RUNX3: variants seen among roughly 807,000 people sequenced by gnomAD.
The protein encoded by RUNX3 is runt-related transcription factor 3.
A neutral mutation model predicts 27.7 loss-of-function variants in RUNX3; 10 were observed. That is an observed-to-expected ratio of 0.36 (90% confidence interval 0.22 to 0.61). RUNX3 has a LOEUF of 0.61. Among genes scored for constraint, RUNX3 ranks in the 20% least tolerant of loss-of-function variants. The pLI, the probability that RUNX3 is intolerant of heterozygous loss-of-function variation, is 0.72. For synonymous variants in RUNX3, 270 were observed against 269.2 expected, an observed-to-expected ratio of 1.00 and a Z score of -0.03; for missense variants, 469 against 629.5, an observed-to-expected ratio of 0.75 and a Z score of 2.73.
chr1:24,909,327 A>G (rs74754027), intron 3 of RUNX3, among the ~76,000 whole-genome samples: 1,811 of 152,328 alleles, frequency 0.012, 27 homozygotes, highest in African/African-American at 0.032. Flanking sequence ...CCCCACCGTG[A>G]CCAGTTTCTT....
intron 1 of RUNX3, chr1:24,929,059 C>G (rs575965173): frequency 1.5e-4 from 69 of 457,522 alleles, no homozygotes; most frequent in Non-Finnish European, 2.7e-4. Context: ...CGCATAATAT[C>G]CCCGAGCAAA....
chr1:24,934,825 A>C (rs1641312045), upstream of RUNX3, among the ~76,000 whole-genome samples: 1 of 152,030 alleles, frequency 6.6e-6, no homozygotes, highest in Non-Finnish European at 1.5e-5. Flanking sequence ...CAGAGGAAAG[A>C]GCTATTGTGA....
intron 2 of RUNX3, among the ~76,000 whole-genome samples, chr1:24,926,516 A>G (rs1167320696): frequency 6.6e-6 from 1 of 152,256 alleles, no homozygotes; most frequent in Non-Finnish European, 1.5e-5. Context: ...ATTAATGCTG[A>G]AAAGTCAAAA....
intron 2 of RUNX3, among the ~76,000 whole-genome samples, chr1:24,947,740 T>C (rs1315930379): frequency 2.6e-5 from 4 of 152,188 alleles, no homozygotes; most frequent in Non-Finnish European, 5.9e-5. Context: ...CAGAGAGCTA[T>C]GTGGGCTTCA....
intron 2 of RUNX3, among the ~76,000 whole-genome samples, chr1:24,919,765 G>A (rs1482549563): frequency 1.3e-5 from 2 of 149,394 alleles, no homozygotes; most frequent in Non-Finnish European, 3.0e-5. Flanking sequence ...CCCCCCCCAC[G>A]GTTCCACTAG....
Position 24,906,649 on chromosome 1 carries a change from C to T in RUNX3, c.703+610G>A, listed in dbSNP as rs188440505. 7.9e-5 allele frequency among the ~76,000 whole-genome samples: 12 copies of T among 152,304 alleles called. No individual in the cohort carries two copies. The East Asian group carries it at 1.7e-3, about 22-fold the overall frequency. ...TCCGTCTAGGCAGTGGAGATGGAGACCCCAGCTCGGTCTTCCCTTCCACCT... is the reference window on the plus strand; with the variant it reads ...TCCGTCTAGGCAGTGGAGATGGAGATCCCAGCTCGGTCTTCCCTTCCACCT... On this transcript the variant is annotated intron_variant, in intron 4 of 4. Coordinates refer to ENST00000308873, the MANE Select transcript of RUNX3 (RefSeq NM_004350.3).
rs1571322610 is a variant in RUNX3 at position 24,927,019 on chromosome 1, C to T, written c.439+555G>A. Among the ~76,000 whole-genome samples the T allele has an allele frequency of 6.6e-6, 1 of 151,864 alleles. No individual in the cohort carries two copies. The highest frequency in any genetic ancestry group is 1.5e-5 in the Non-Finnish European group (1 of 67,980). ...TTGACTCTGGGGCAGGAGATGGCAGCCTTCGAGCTGTGCTTTCCAACATTC... is the reference window on the plus strand; with the variant it reads ...TTGACTCTGGGGCAGGAGATGGCAGTCTTCGAGCTGTGCTTTCCAACATTC... On this transcript the variant is annotated intron_variant, in intron 2 of 4. Transcript: ENST00000308873. This position sits in a 1 kb window ranked among gnomAD's most constrained non-coding sequence, Gnocchi z 5.0.
intron 2 of RUNX3, among the ~76,000 whole-genome samples, chr1:24,950,558 G>A (rs189363208): frequency 2.0e-5 from 3 of 152,190 alleles, no homozygotes; most frequent in African/African-American, 4.8e-5. Flanking sequence ...CACAGGAGGT[G>A]GGGGGGCCAG....
chr1:24,961,289 G>A (rs941430693), intron 2 of RUNX3: 2 of 152,276 alleles, frequency 1.3e-5, no homozygotes, highest in African/African-American at 2.4e-5. Context: ...ACAGGTGCCT[G>A]AAGGCAGAGG....
At chr1:24,931,555 TGGAGAC>T (rs888163443), upstream of RUNX3, among the ~76,000 whole-genome samples, 2 of 152,168 alleles carry the variant, frequency 1.3e-5, no homozygotes, top group Non-Finnish European at 2.9e-5. Context: ...CCCGCCGCTT[TGGAGAC>T]GGGGCTAGAT....
rs935027230 is a variant in RUNX3 at position 24,916,465 on chromosome 1, C to T, written c.544+2775G>A. On this transcript the variant is annotated intron_variant, in intron 3 of 4. Coordinates refer to ENST00000308873, the MANE Select transcript of RUNX3 (RefSeq NM_004350.3). This position sits in a 1 kb window ranked among gnomAD's most constrained non-coding sequence, Gnocchi z 4.8. ...AAGGTTTTGCGCCCTGGCCTCTATC[C>T]TCTCCTGGGGTTGCCCAAGAGATCA... 1.3e-5 allele frequency among the ~76,000 whole-genome samples: 2 copies of T among 152,232 alleles called. No individual in the cohort carries two copies. Among genetic ancestry groups the T allele is most frequent in the Admixed American group, 1.3e-4 (2 of 15,284 alleles).
intron 2 of RUNX3, among the ~76,000 whole-genome samples, chr1:24,948,378 G>T (rs1323395316): frequency 6.6e-6 from 1 of 152,190 alleles, no homozygotes; most frequent in Non-Finnish European, 1.5e-5. Flanking sequence ...TGCACATGGT[G>T]GGGGTGGGCA....
chr1:24,919,760 C>CA (rs375938150), intron 2 of RUNX3, among the ~76,000 whole-genome samples: 1 of 151,978 alleles, frequency 6.6e-6, no homozygotes. Context: ...ACACCCCCCC[C>CA]CCACGGTTCC....
chr1:24,934,398 C>T (rs1641299247), upstream of RUNX3, among the ~76,000 whole-genome samples: 1 of 152,114 alleles, frequency 6.6e-6, no homozygotes, highest in South Asian at 2.1e-4. Flanking sequence ...AAGTTCCAGA[C>T]TTGGAGGGGA....
At chr1:24,945,068 C>T (rs900586096) in intron 2 of RUNX3, among the ~76,000 whole-genome samples, 1 of 152,198 alleles carries the variant, frequency 6.6e-6, no homozygotes, top group East Asian at 1.9e-4. Context: ...CACAGAAGGT[C>T]AGCTGCAGGA....
rs1640628133 is a variant in RUNX3, at chr1:24,904,715, G to C, written c.704-2049C>G. The stretch of plus-strand genomic sequence containing the variant: ...CCTCAGAGCTCACGCGGGCTGCAGG[G>C]CGCTGGGCTGGGCCTCCCTGGACCT... On this transcript the variant is annotated intron_variant, in intron 4 of 4. Transcript: ENST00000308873. This position sits in a 1 kb window ranked among gnomAD's most constrained non-coding sequence, Gnocchi z 5.7. Among the ~76,000 whole-genome samples, 1 of 152,096 alleles carries C rather than the reference G, an allele frequency of 6.6e-6. No homozygotes were observed. The highest frequency in any genetic ancestry group is 2.4e-5 in the African/African-American group (1 of 41,418).
chr1:24,941,671 C>T (rs537247663), intron 2 of RUNX3, among the ~76,000 whole-genome samples: 13 of 152,242 alleles, frequency 8.5e-5, no homozygotes, highest in African/African-American at 2.6e-4. Flanking sequence ...GGGTCCACAG[C>T]GGATCCCAAG....
Position 24,901,036 on chromosome 1 carries a change from G to GTTTTTTTTTTTTTTTTTTTTTTTTTT in RUNX3, c.*1085_*1086insAAAAAAAAAAAAAAAAAAAAAAAAAA, listed in dbSNP as rs3085849. 13 of 116,908 alleles carry GTTTTTTTTTTTTTTTTTTTTTTTTTT rather than the reference G, an allele frequency of 1.1e-4. No homozygotes were observed. Among genetic ancestry groups the GTTTTTTTTTTTTTTTTTTTTTTTTTT allele is most frequent in the East Asian group, 4.6e-4 (2 of 4,378 alleles). The allele number at this position is 116,908 out of a possible 1,614,324, so 7.2% of individuals were successfully genotyped here. A position where few individuals can be genotyped will look rare whatever the true frequency, so the allele number is the denominator to read the frequency against. ...TGTTTTGTTTTTTTTTTGTTTTTTT[G>GTTTTTTTTTTTTTTTTTTTTTTTTTT]TTTTTTTTTTTTTTTTGCTCAGGAC... On this transcript the variant is annotated 3_prime_UTR_variant, in exon 5 of 5. Transcript: ENST00000308873.
intron 3 of RUNX3, 94 bp from the exon 4 acceptor site, chr1:24,907,511 C>T (rs1421371659): frequency 1.5e-6 from 2 of 1,329,840 alleles, no homozygotes; most frequent in African/African-American, 2.9e-5. Flanking sequence ...TTCCTGAGGT[C>T]TGACCTTAGG....
Sources: allele counts gnomAD v4.1 joint callset (sites outside exome capture counted in the v4.1 genomes callset), GRCh38; gene constraint gnomAD v4.1.1; non-coding constraint Gnocchi (gnomAD v3.1); transcripts MANE v1.5; gene names NCBI Gene and HGNC (gene_info 2026-07-23, HGNC 2026-07-21).